The following ABCB11 variants were observed in gnomAD, a reference collection of about 807,000 sequenced individuals.
ABCB11 encodes bile salt export pump.
A neutral mutation model predicts 148.0 loss-of-function variants in ABCB11; 95 were observed. The ratio of observed to expected loss-of-function variants is 0.64; its 90% confidence interval spans 0.54 to 0.76. The LOEUF is 0.76. Among genes scored for constraint, ABCB11 ranks in the 30% least tolerant of loss-of-function variants. The pLI is 0.00. For synonymous variants in ABCB11, 591 were observed against 555.4 expected (o/e 1.06, Z -0.90); for missense variants, 1,523 against 1,617.8 (o/e 0.94, Z 1.01).
chr2:168,924,528 C>A, intron 27 of ABCB11, 129 bp downstream of exon 27: 1 of 831,788 alleles, frequency 1.2e-6, no homozygotes, highest in Non-Finnish European at 1.8e-6. Context: ...CTTTTGGTTC[C>A]ACAAAGTATT....
chr2:168,938,021 A>C (rs1179539946), intron 21 of ABCB11, among the ~76,000 whole-genome samples: 1 of 152,004 alleles, frequency 6.6e-6, no homozygotes, highest in Non-Finnish European at 1.5e-5. Context: ...AAATTGTAGA[A>C]ACACATTTTT....
In ABCB11 at chr2:168,967,531, G is replaced by A. The variant is rs141522429; in HGVS notation, c.2075+896C>T. Among the ~76,000 whole-genome samples, 25 of 151,928 alleles carry A rather than the reference G, an allele frequency of 1.6e-4. No homozygotes were observed. The East Asian group carries it at 4.9e-3, about 30-fold the overall frequency. On this transcript the variant is annotated intron_variant, in intron 17 of 27. Transcript: ENST00000650372. Reference sequence around the variant, plus strand: ...TGGAATTGTTAGCTGAATGTTTTAAGGCTCTTTAACAACTTTTCAATAAAT... The same window carrying A: ...TGGAATTGTTAGCTGAATGTTTTAAAGCTCTTTAACAACTTTTCAATAAAT...
chr2:169,017,876 T>C (rs1695412357), intron 2 of ABCB11, 174 bp downstream of exon 2: 2 of 767,150 alleles, frequency 2.6e-6, no homozygotes, highest in Non-Finnish European at 4.8e-6. Context: ...TTTCAGATAT[T>C]ACGTTACATG....
Position 169,030,961 on chromosome 2 carries a change from C to T in ABCB11, c.-28+264G>A, listed in dbSNP as rs181258235. ...CTATTCGGCCATTTGTACCACACAC[C>T]CATGTACACCACTCTCTCTCTCTCT... On this transcript the variant is annotated intron_variant, in intron 1 of 27. Transcript: ENST00000650372. Among the ~76,000 whole-genome samples, 10 of 151,442 alleles carry T rather than the reference C, an allele frequency of 6.6e-5. No homozygotes were observed. In the East Asian group the frequency reaches 1.8e-3, roughly 27 times the overall value.
chr2:168,944,995 T>A, intron 19 of ABCB11, 34 bp from the exon 20 acceptor site: 1 of 1,347,170 alleles, frequency 7.4e-7, no homozygotes. Context: ...AGTAACTTTA[T>A]TATAAATAGA....
Position 168,971,900 on chromosome 2 carries a change from CTA to C in ABCB11, c.1583_1584del (p.Ile528SerfsTer21). The C allele has an allele frequency of 6.2e-7, 1 of 1,613,068 alleles. No individual in the cohort carries two copies. Among genetic ancestry groups the C allele is most frequent in the Non-Finnish European group, 8.5e-7 (1 of 1,179,368 alleles). On this transcript the variant is annotated frameshift_variant, in exon 14 of 28. Coordinates refer to ENST00000650372, the MANE Select transcript of ABCB11 (RefSeq NM_003742.4). LOFTEE classifies it high-confidence loss of function. ...YGREDATMED[I>X]VQAAKEANAY... is the part of the protein sequence containing the mutation. ...GCATTGGCCTCCTTGGCAGCTTGGACTATGTCTTCCATTGTTGCATCTTCTCT... is the reference window on the plus strand; with the variant it reads ...GCATTGGCCTCCTTGGCAGCTTGGACTGTCTTCCATTGTTGCATCTTCTCT...
At position 168,990,685 on chromosome 2, in the gene ABCB11, A is replaced by G. The variant is rs1022253367; in HGVS notation, c.908+116T>C. The stretch of plus-strand genomic sequence containing the variant: ...CTGCTTAGCTCCCTCTTGAACAAGT[A>G]CTTCCTCTGGAGGCCACAGACCAAG... On this transcript the variant is annotated intron_variant, in intron 9 of 27. Transcript: ENST00000650372. The G allele has an allele frequency of 6.2e-6, 8 of 1,300,154 alleles. No individual in the cohort carries two copies. The African/African-American group carries it at 7.3e-5, about 12-fold the overall frequency. The allele number at this position is 1,300,154 out of a possible 1,614,324, so 80.5% of individuals were successfully genotyped here.
At chr2:168,931,999 T>TTTTA (rs756788992) in intron 24 of ABCB11, among the ~76,000 whole-genome samples, 1 of 152,038 alleles carries the variant, frequency 6.6e-6, no homozygotes, top group African/African-American at 2.4e-5. Context: ...TACTTACACA[T>TTTTA]TTTATTTATT....
chr2:169,016,501 T>G (rs1695360605), intron 3 of ABCB11, among the ~76,000 whole-genome samples: 1 of 152,208 alleles, frequency 6.6e-6, no homozygotes, highest in South Asian at 2.1e-4. Flanking sequence ...CATGAAATTA[T>G]ACTTGTTGTT....
chr2:168,928,493 T>G (rs1318149983), intron 25 of ABCB11, among the ~76,000 whole-genome samples: 1 of 152,134 alleles, frequency 6.6e-6, no homozygotes, highest in Non-Finnish European at 1.5e-5. Flanking sequence ...AGTGGTAGGT[T>G]TTCTGCTTAA....
chr2:168,917,082 T>C (rs528845608), downstream of ABCB11, among the ~76,000 whole-genome samples: 228 of 152,286 alleles, frequency 1.5e-3, no homozygotes, highest in African/African-American at 5.3e-3. Context: ...GAGTGTATAA[T>C]TGCCAAAAAT....
intron 1 of ABCB11, among the ~76,000 whole-genome samples, chr2:169,022,867 T>C (rs1695575599): frequency 6.6e-6 from 1 of 151,946 alleles, no homozygotes; most frequent in Non-Finnish European, 1.5e-5. Context: ...TTATTTAAGG[T>C]AAAAAATAAT....
intron 19 of ABCB11, among the ~76,000 whole-genome samples, chr2:168,956,899 T>C (rs192173488): frequency 7.9e-5 from 12 of 151,790 alleles, no homozygotes; most frequent in African/African-American, 2.9e-4. Context: ...TCTCTCTTAC[T>C]GTTTGCCCAT....
rs558086286 is a variant in ABCB11, at chr2:168,943,389, G to A, written c.2610+1216C>T. Among the ~76,000 whole-genome samples the A allele has an allele frequency of 3.1e-4, 47 of 151,970 alleles. No homozygotes were observed. In the South Asian group the frequency reaches 8.5e-3, roughly 27 times the overall value. ...AAATAATCAAGGATGTGGCAAGCTC[G>A]ATATAAAATGATATAAATTGCTTAT... is the stretch of plus-strand genomic sequence containing the variant. On this transcript the variant is annotated intron_variant, in intron 21 of 27. Coordinates refer to ENST00000650372, the MANE Select transcript of ABCB11 (RefSeq NM_003742.4).
Position 168,944,739 on chromosome 2 carries a change from G to A in ABCB11, c.2476C>T (p.Leu826Phe), listed in dbSNP as rs765838062. ...AATTTACGTAGCCTTTTTGTTAGGAGCTCCCCAGATTTAGCAAAGGCATAT... is the reference window on the plus strand; with the variant it reads ...AATTTACGTAGCCTTTTTGTTAGGAACTCCCCAGATTTAGCAAAGGCATAT... ...QGYAFAKSGE[L>F]LTKRLRKFGF... The change falls in exon 21 of 28, where the codon CTC becomes TTC. Residue 826 changes from leucine (L) to phenylalanine (F), a missense_variant. Coordinates refer to ENST00000650372, the MANE Select transcript of ABCB11 (RefSeq NM_003742.4). The A allele has an allele frequency of 9.9e-6, 16 of 1,612,516 alleles. No individual in the cohort carries two copies. Among genetic ancestry groups the A allele is most frequent in the Admixed American group, 3.3e-5 (2 of 59,810 alleles).
chr2:169,029,529 C>T (rs1695797715), intron 1 of ABCB11, among the ~76,000 whole-genome samples: 1 of 152,006 alleles, frequency 6.6e-6, no homozygotes, highest in Non-Finnish European at 1.5e-5. Context: ...TAAAATGAGG[C>T]CCTTCCAGCC....
intron 19 of ABCB11, among the ~76,000 whole-genome samples, chr2:168,957,082 T>C (rs1260791779): frequency 6.6e-6 from 1 of 151,588 alleles, no homozygotes; most frequent in Non-Finnish European, 1.5e-5. Flanking sequence ...TTCCTCTTCA[T>C]GGAGAAGGCA....
At chr2:168,918,344 A>G (rs1015990711), downstream of ABCB11, among the ~76,000 whole-genome samples, 3 of 152,226 alleles carry the variant, frequency 2.0e-5, 1 homozygote, top group Non-Finnish European at 4.4e-5. Context: ...ATATGCAGGG[A>G]GTTCTGGTCA....
rs376348082 is a variant in ABCB11, at chr2:168,935,442, A to C, written c.2815-17T>G. On this transcript the variant is annotated splice_polypyrimidine_tract_variant and intron_variant, in intron 22 of 27. Coordinates refer to ENST00000650372, the MANE Select transcript of ABCB11 (RefSeq NM_003742.4). ...ATTTGTAATCTGAAGATTGAAAAAG[A>C]GTCTTAGGAATACAAGGGCAGAAAT... 3.8e-4 allele frequency: 611 copies of C among 1,603,160 alleles called. No homozygotes were observed. Among genetic ancestry groups the C allele is most frequent in the Non-Finnish European group, 5.0e-4 (586 of 1,173,370 alleles).
Sources: gnomAD v4.1 joint callset for allele counts (sites outside exome capture counted in the v4.1 genomes callset) on GRCh38, gnomAD v4.1.1 for gene constraint, MANE v1.5 for transcripts, NCBI Gene and HGNC (gene_info 2026-07-23, HGNC 2026-07-21) for gene names.